The following RIMS1 variants were observed in gnomAD, a reference collection of about 807,000 sequenced individuals.
RIMS1 encodes the protein regulating synaptic membrane exocytosis protein 1.
In RIMS1, 83 loss-of-function variants were observed where a neutral mutation model predicts 214.1. That is an observed-to-expected ratio of 0.39 (90% confidence interval 0.32 to 0.47). The LOEUF (loss-of-function observed/expected upper bound fraction) is 0.47, where lower values mean the gene tolerates loss of function less well. RIMS1 is among the 20% of genes least tolerant of loss of function. The pLI, the probability that RIMS1 is intolerant of heterozygous loss-of-function variation, is 0.99. For missense variants in RIMS1, 2,050 were observed against 2,161.8 expected, an observed-to-expected ratio of 0.95 and a Z score of 1.03; for synonymous variants, 793 against 786.8, an observed-to-expected ratio of 1.01 and a Z score of -0.13.
At chr6:72,331,971 C>CTTA (rs2096674611) in intron 28 of RIMS1, among the ~76,000 whole-genome samples, 1 of 151,782 alleles carries the variant, frequency 6.6e-6, no homozygotes, top group Admixed American at 6.6e-5. Context: ...AAGGACCAGT[C>CTTA]TTACCTCTTT....
intron 1 of RIMS1, among the ~76,000 whole-genome samples, chr6:71,907,409 A>T (rs1562167490): frequency 1.3e-5 from 2 of 152,168 alleles, no homozygotes; most frequent in Non-Finnish European, 2.9e-5. Context: ...TTTCACCCTT[A>T]ATCAATGGCA....
At chr6:72,128,600 G>C (rs2039973902) in intron 4 of RIMS1, among the ~76,000 whole-genome samples, 1 of 152,094 alleles carries the variant, frequency 6.6e-6, no homozygotes. Context: ...AATCTTCCAG[G>C]ATTCCTCTCT....
chr6:71,914,217 C>T (rs537600299), intron 1 of RIMS1, among the ~76,000 whole-genome samples: 25 of 152,248 alleles, frequency 1.6e-4, no homozygotes, highest in African/African-American at 6.0e-4. Flanking sequence ...TATGCTTCTA[C>T]TATAAACAAT....
intron 4 of RIMS1, among the ~76,000 whole-genome samples, chr6:72,103,499 G>A (rs1414292664): frequency 3.3e-5 from 5 of 152,018 alleles, no homozygotes. Context: ...TTTCAAATCA[G>A]TATTAAATAA....
At chr6:72,062,944 A>G (rs991968066) in intron 2 of RIMS1, among the ~76,000 whole-genome samples, 2 of 151,702 alleles carry the variant, frequency 1.3e-5, no homozygotes, top group Non-Finnish European at 2.9e-5. Flanking sequence ...CTCTCTAATA[A>G]TCTCGTTTTA....
chr6:72,059,736 G>A (rs747070964), intron 2 of RIMS1, among the ~76,000 whole-genome samples: 3 of 152,090 alleles, frequency 2.0e-5, no homozygotes, highest in Non-Finnish European at 4.4e-5. Flanking sequence ...CTGACAGCCC[G>A]TGAACTGAAT....
At chr6:72,314,329 C>G (rs1593082917) in intron 28 of RIMS1, among the ~76,000 whole-genome samples, 2 of 152,046 alleles carry the variant, frequency 1.3e-5, no homozygotes, top group African/African-American at 4.8e-5. Context: ...TAGTTATAGT[C>G]GTGTAACCTA....
chr6:71,955,521 G>A (rs1296238813), intron 1 of RIMS1, among the ~76,000 whole-genome samples: 3 of 151,988 alleles, frequency 2.0e-5, no homozygotes, highest in African/African-American at 7.2e-5. Flanking sequence ...TTTCTCTTGG[G>A]TAAATATTGA....
chr6:72,030,627 A>G (rs1179852774), intron 2 of RIMS1, among the ~76,000 whole-genome samples: 1 of 152,238 alleles, frequency 6.6e-6, no homozygotes, highest in African/African-American at 2.4e-5. Flanking sequence ...ATTATAATAA[A>G]CTTGAGATTT....
At chr6:72,283,744 G>A (rs1421404966) in intron 23 of RIMS1, among the ~76,000 whole-genome samples, 2 of 152,100 alleles carry the variant, frequency 1.3e-5, no homozygotes, top group Admixed American at 1.3e-4. Context: ...AGCAGAGGCC[G>A]AGTTGCTCAG....
chr6:72,396,229 C>T (rs1596325339), intron 31 of RIMS1, among the ~76,000 whole-genome samples: 1 of 152,208 alleles, frequency 6.6e-6, no homozygotes, highest in East Asian at 1.9e-4. Context: ...AATTATCAGA[C>T]TGAAAATAGA....
chr6:72,348,109 G>A (rs2097326937), intron 29 of RIMS1, among the ~76,000 whole-genome samples: 5 of 151,896 alleles, frequency 3.3e-5, no homozygotes, highest in Admixed American at 3.3e-4. Context: ...ATTGTGACAA[G>A]CAAGCTCTTC....
intron 4 of RIMS1, among the ~76,000 whole-genome samples, chr6:72,116,310 A>G (rs1224881465): frequency 6.6e-6 from 1 of 151,982 alleles, no homozygotes; most frequent in East Asian, 1.9e-4. Context: ...GTAAGTACAG[A>G]TGTTGGGGGA....
At chr6:71,902,973 TGAA>T (rs1774153997) in intron 1 of RIMS1, among the ~76,000 whole-genome samples, 1 of 152,174 alleles carries the variant, frequency 6.6e-6, no homozygotes, top group South Asian at 2.1e-4. Context: ...TTGTGAATAA[TGAA>T]GCAGTGAACA....
Position 72,118,699 on chromosome 6 carries a change from C to T in RIMS1, c.471+18713C>T, listed in dbSNP as rs962971283. Among the ~76,000 whole-genome samples the T allele has an allele frequency of 2.0e-5, 3 of 151,652 alleles. 1 individual carries two copies. Among genetic ancestry groups the T allele is most frequent in the Admixed American group, 6.6e-5 (1 of 15,178 alleles). ...GCAGGTCAATAAATGTGATACATCA[C>T]ATATACAGAAGTAAAACAAAAATCA... On this transcript the variant is annotated intron_variant, in intron 4 of 33. Transcript: ENST00000521978.
At chr6:72,351,128 A>G (rs1011100466) in intron 29 of RIMS1, among the ~76,000 whole-genome samples, 1 of 151,990 alleles carries the variant, frequency 6.6e-6, no homozygotes, top group African/African-American at 2.4e-5. Context: ...ATTTGTTTTT[A>G]GTAACATATC....
At chr6:72,105,963 T>G (rs2034654284) in intron 4 of RIMS1, among the ~76,000 whole-genome samples, 1 of 152,212 alleles carries the variant, frequency 6.6e-6, no homozygotes, top group Admixed American at 6.6e-5. Context: ...TGTTCTAAAT[T>G]TATTAGTTTT....
At chr6:72,328,650 T>C (rs1294136376) in intron 28 of RIMS1, among the ~76,000 whole-genome samples, 1 of 151,920 alleles carries the variant, frequency 6.6e-6, no homozygotes, top group East Asian at 1.9e-4. Context: ...TAAAAATATT[T>C]TTTTTTAGCA....
intron 2 of RIMS1, among the ~76,000 whole-genome samples, chr6:71,981,915 TGCC>T (rs371434679): frequency 2.5e-3 from 380 of 150,976 alleles, no homozygotes; most frequent in Non-Finnish European, 4.4e-3. Context: ...TACTAAGCTA[TGCC>T]ATTGGAACTT....
Sources: gnomAD v4.1 joint callset for allele counts (sites outside exome capture counted in the v4.1 genomes callset) on GRCh38, gnomAD v4.1.1 for gene constraint, MANE v1.5 for transcripts, NCBI Gene and HGNC (gene_info 2026-07-23, HGNC 2026-07-21) for gene names.